RUBCN: variants seen among roughly 807,000 people sequenced by gnomAD.
The protein encoded by RUBCN is run domain Beclin-1-interacting and cysteine-rich domain-containing protein.
In RUBCN, 74 loss-of-function variants were observed where a neutral mutation model predicts 113.2. That is an observed-to-expected ratio of 0.65 (90% CI 0.54 to 0.79). The LOEUF (loss-of-function observed/expected upper bound fraction) is 0.79, where lower values mean the gene tolerates loss of function less well. RUBCN is among the 30% of genes least tolerant of loss of function. RUBCN has a pLI of 0.00. For synonymous variants in RUBCN, 480 were observed against 490.0 expected (o/e 0.98, Z 0.27); for missense variants, 1,109 against 1,251.7 (o/e 0.89, Z 1.72).
intron 1 of RUBCN, among the ~76,000 whole-genome samples, chr3:197,726,722 A>G (rs1726803502): frequency 6.6e-6 from 1 of 150,416 alleles, no homozygotes; most frequent in African/African-American, 2.5e-5. Flanking sequence ...TGTATTTTTT[A>G]GTAGAGACGG....
intron 17 of RUBCN, 143 bp from the exon 18 acceptor site, chr3:197,677,181 G>A (rs754468533): frequency 4.9e-5 from 45 of 914,870 alleles, no homozygotes; most frequent in Middle Eastern, 3.2e-4. Context: ...CGCCGCAGCC[G>A]TTCCACGCTA....
At position 197,704,692 on chromosome 3, in the gene RUBCN, C is replaced by G. The variant is rs759109839; in HGVS notation, c.313G>C (p.Val105Leu). 6.2e-7 allele frequency: 1 copy of G among 1,613,800 alleles called. No individual in the cohort carries two copies. Among genetic ancestry groups the G allele is most frequent in the South Asian group, 1.1e-5 (1 of 91,064 alleles). The change falls in exon 4 of 20, where the codon GTG becomes CTG. Residue 105 changes from valine to leucine, a missense_variant. This residue lies in a region of RUBCN where 736 missense variants were observed against 779.6 expected (regional missense o/e 0.94). Transcript: ENST00000296343. ...SALHVEKFIS[V>L]HENDQSSADG... is the part of the protein sequence containing the mutation. The stretch of plus-strand genomic sequence containing the variant: ...GCACTGCTCTGGTCGTTCTCGTGCA[C>G]GCTGATGAACTGGGAAGCAAAGGGG...
At chr3:197,746,021 ACT>A (rs1728730241) in intron 1 of RUBCN, among the ~76,000 whole-genome samples, 1 of 152,122 alleles carries the variant, frequency 6.6e-6, no homozygotes, top group Non-Finnish European at 1.5e-5. Context: ...ACAGAGTGAG[ACT>A]CTGTCTCAAA....
chr3:197,688,472 A>G lies in RUBCN; in HGVS notation c.1787-4255T>C, dbSNP rs1443218527. On this transcript the variant is annotated intron_variant, in intron 11 of 19. Transcript: ENST00000296343. ...CAGTTTCCCATTCCATGATTCCCAC[A>G]TTATAGTAGAAATAATTCTTTATAT... Among the ~76,000 whole-genome samples the G allele has an allele frequency of 3.3e-5, 5 of 152,208 alleles. No individual in the cohort carries two copies. The East Asian group carries it at 9.6e-4, about 29-fold the overall frequency.
intron 2 of RUBCN, among the ~76,000 whole-genome samples, chr3:197,714,926 C>T (rs1285570650): frequency 3.9e-5 from 6 of 152,014 alleles, no homozygotes; most frequent in Non-Finnish European, 8.8e-5. Context: ...AAGCAGAAAC[C>T]TTTAAGAATT....
intron 2 of RUBCN, among the ~76,000 whole-genome samples, chr3:197,708,188 T>G (rs1350778368): frequency 6.6e-6 from 1 of 151,678 alleles, no homozygotes; most frequent in Non-Finnish European, 1.5e-5. Context: ...CAGGCTGGAG[T>G]GCAATGGTGC....
At chr3:197,704,982 A>T in intron 3 of RUBCN, 110 bp downstream of exon 3, 1 of 849,396 alleles carries the variant, frequency 1.2e-6, no homozygotes, top group Non-Finnish European at 2.0e-6. Context: ...CTCAGCTGAT[A>T]GGCAACTGGA....
chr3:197,701,191 AATCC>A (rs1224995472), intron 6 of RUBCN, 45 bp from the exon 7 acceptor site: 4 of 1,460,672 alleles, frequency 2.7e-6, no homozygotes, highest in Non-Finnish European at 3.7e-6. Flanking sequence ...GGTGAGGTGG[AATCC>A]TGCAGTATGT....
At chr3:197,694,171 G>T (rs774160216) in intron 10 of RUBCN, 1 of 690,738 alleles carries the variant, frequency 1.4e-6, no homozygotes, top group Admixed American at 2.0e-5. Context: ...GATTCCAGGC[G>T]TGAGCCACTC....
intron 5 of RUBCN, among the ~76,000 whole-genome samples, chr3:197,703,067 A>G (rs1723859289): frequency 1.3e-5 from 2 of 152,016 alleles, no homozygotes; most frequent in South Asian, 4.2e-4. Context: ...TTCTACTTCA[A>G]TAGGTACTTA....
chr3:197,715,290 G>GAAAAAAAAAAA (rs35511002), intron 2 of RUBCN, among the ~76,000 whole-genome samples: 2 of 102,818 alleles, frequency 1.9e-5, no homozygotes, highest in East Asian at 2.2e-4. Flanking sequence ...ACTCTATCTT[G>GAAAAAAAAAAA]AAAAAAAAAA....
chr3:197,676,883 A>T lies in RUBCN; in HGVS notation c.2646+2T>A. 6.2e-7 allele frequency: 1 copy of T among 1,614,142 alleles called. No individual in the cohort carries two copies. Among genetic ancestry groups the T allele is most frequent in the Non-Finnish European group, 8.5e-7 (1 of 1,180,018 alleles). ...CTGCATGCTACAGTGAGACTTTCTCACCATGCATCTCTCCACATGGGTAGC... is the reference window on the plus strand; with the variant it reads ...CTGCATGCTACAGTGAGACTTTCTCTCCATGCATCTCTCCACATGGGTAGC... On this transcript the variant is annotated splice_donor_variant, in intron 18 of 19. Transcript: ENST00000296343. LOFTEE classifies it high-confidence loss of function.
intron 7 of RUBCN, among the ~76,000 whole-genome samples, chr3:197,699,477 G>A (rs1376759519): frequency 6.6e-6 from 1 of 152,136 alleles, no homozygotes; most frequent in Non-Finnish European, 1.5e-5. Context: ...GAATCCATAT[G>A]GATTCAAGAA....
At chr3:197,706,669 G>C (rs1250796013) in intron 2 of RUBCN, among the ~76,000 whole-genome samples, 1 of 152,036 alleles carries the variant, frequency 6.6e-6, no homozygotes, top group East Asian at 1.9e-4. Context: ...GGATGACAGA[G>C]AGAGATCCTG....
intron 1 of RUBCN, among the ~76,000 whole-genome samples, chr3:197,724,986 C>A (rs1726575788): frequency 6.6e-6 from 1 of 152,042 alleles, no homozygotes. Flanking sequence ...TCAAGACCAG[C>A]CTGGCCAACA....
At chr3:197,711,725 T>G (rs1473152337) in intron 2 of RUBCN, among the ~76,000 whole-genome samples, 1 of 152,174 alleles carries the variant, frequency 6.6e-6, no homozygotes, top group East Asian at 1.9e-4. Flanking sequence ...TAAATGGTAG[T>G]TTTTTATGTG....
Position 197,736,838 on chromosome 3 carries a change from T to G in RUBCN, c.-119A>C, listed in dbSNP as rs1728197042. On this transcript the variant is annotated 5_prime_UTR_variant, in exon 1 of 20. Transcript: ENST00000296343. ...CCTGCGGCCGGTGGGCTCCGGGTGA[T>G]GCGCTACACCCGGGCGGCGACAGCG... The G allele has an allele frequency of 1.4e-6, 2 of 1,407,382 alleles. No homozygotes were observed. The highest frequency in any genetic ancestry group is 3.1e-5 in the African/African-American group (2 of 65,522). 87.2% of individuals were successfully genotyped at this position (1,407,382 alleles called of 1,614,324 possible).
chr3:197,686,773 A>AT lies in RUBCN; in HGVS notation c.1787-2557dup, dbSNP rs537367955. Among the ~76,000 whole-genome samples the AT allele has an allele frequency of 9.3e-4, 142 of 152,266 alleles. 1 individual carries two copies. Among genetic ancestry groups the AT allele is most frequent in the African/African-American group, 3.2e-3 (131 of 41,576 alleles). The stretch of plus-strand genomic sequence containing the variant: ...AACACAATTCTGAAACTTTTTATTG[A>AT]TTTTTTTGTACAAAAACAAGTATTG... On this transcript the variant is annotated intron_variant, in intron 11 of 19. Coordinates refer to ENST00000296343, the MANE Select transcript of RUBCN (RefSeq NM_014687.4).
rs762708187 is a variant in RUBCN at position 197,700,620 on chromosome 3, T to G, written c.1254A>C (p.Gly418=). ...GCCGGTGTTCCTCATTACCTGGAGC[T>G]CCCCTGGAGGCAATGCTGGTATCCG... The part of the protein sequence containing the change: ...SHSDTSIASR[G]APESCNDKAK... The change falls in exon 7 of 20, where the codon GGA becomes GGC. Residue 418 remains glycine, a synonymous_variant. Transcript: ENST00000296343. The G allele has an allele frequency of 6.2e-7, 1 of 1,614,092 alleles. No individual in the cohort carries two copies.
Sources: allele counts gnomAD v4.1 joint callset (sites outside exome capture counted in the v4.1 genomes callset), GRCh38; gene constraint gnomAD v4.1.1; regional missense constraint gnomAD v4.1.1; transcripts MANE v1.5; gene names NCBI Gene and HGNC (gene_info 2026-07-23, HGNC 2026-07-21).